Variants in ATP6V1A observed in about 807,000 individuals in gnomAD.
ATP6V1A encodes ATPase H+ transporting V1 subunit A, also known as V-type proton ATPase catalytic subunit A.
Under a neutral mutation model 70.1 loss-of-function variants are expected in ATP6V1A, and 18 were observed. The observed-to-expected ratio is 0.26, with a 90% CI of 0.18 to 0.38. The LOEUF (loss-of-function observed/expected upper bound fraction) is 0.38, where lower values mean the gene tolerates loss of function less well. ATP6V1A is among the 10% of genes least tolerant of loss of function. The pLI is 1.00. For missense variants in ATP6V1A, 424 were observed against 772.4 expected (o/e 0.55, Z 5.35); for synonymous variants, 232 against 253.8 (o/e 0.91, Z 0.82).
chr3:113,756,580 T>C (rs187293876), intron 1 of ATP6V1A, among the ~76,000 whole-genome samples: 26 of 152,348 alleles, frequency 1.7e-4, no homozygotes, highest in Admixed American at 1.4e-3. Context: ...CTTAAGTTAC[T>C]ATCATATGGA....
At chr3:113,749,053 C>T (rs1176901203) in intron 1 of ATP6V1A, among the ~76,000 whole-genome samples, 2 of 152,040 alleles carry the variant, frequency 1.3e-5, no homozygotes, top group African/African-American at 4.8e-5. Flanking sequence ...AAGAGAAAAC[C>T]AGCTAGAAGC....
chr3:113,785,056 C>T (rs1369775254), intron 5 of ATP6V1A, among the ~76,000 whole-genome samples: 2 of 152,096 alleles, frequency 1.3e-5, no homozygotes, highest in African/African-American at 2.4e-5. Context: ...AGTTTTCTAC[C>T]ATATTAACTG....
At chr3:113,801,352 A>G (rs1709210550) in intron 12 of ATP6V1A, among the ~76,000 whole-genome samples, 1 of 152,154 alleles carries the variant, frequency 6.6e-6, no homozygotes, top group African/African-American at 2.4e-5. Context: ...CTGATAATAG[A>G]AAAGGAATCT....
At chr3:113,749,969 T>C (rs1262556338) in intron 1 of ATP6V1A, among the ~76,000 whole-genome samples, 2 of 152,166 alleles carry the variant, frequency 1.3e-5, no homozygotes, top group African/African-American at 4.8e-5. Flanking sequence ...CTAATAAGTA[T>C]GGTTATCATC....
chr3:113,759,621 T>C (rs1330989701), intron 1 of ATP6V1A, among the ~76,000 whole-genome samples: 1 of 152,008 alleles, frequency 6.6e-6, no homozygotes, highest in East Asian at 1.9e-4. Context: ...TATTTAAGAA[T>C]ATTTAATCAT....
chr3:113,749,244 C>T (rs1393057720), intron 1 of ATP6V1A, among the ~76,000 whole-genome samples: 1 of 143,882 alleles, frequency 7.0e-6, no homozygotes, highest in East Asian at 2.1e-4. Context: ...TGAAAAAAAG[C>T]TTTGACATTA....
At chr3:113,768,835 A>T (rs966659807) in intron 1 of ATP6V1A, among the ~76,000 whole-genome samples, 10 of 151,996 alleles carry the variant, frequency 6.6e-5, no homozygotes, top group African/African-American at 2.4e-4. Context: ...ACCTCATGTG[A>T]TCCACCCACC....
intron 1 of ATP6V1A, among the ~76,000 whole-genome samples, chr3:113,773,730 T>G (rs1423807834): frequency 6.6e-6 from 1 of 152,198 alleles, no homozygotes; most frequent in East Asian, 1.9e-4. Context: ...TACTAGATAC[T>G]CTGATGCCTC....
chr3:113,759,782 C>T (rs532420996), intron 1 of ATP6V1A, among the ~76,000 whole-genome samples: 27 of 152,232 alleles, frequency 1.8e-4, no homozygotes, highest in African/African-American at 4.8e-4. Flanking sequence ...TTTCACTCAA[C>T]GATTAGAGTT....
chr3:113,756,879 A>G (rs1708651583), intron 1 of ATP6V1A, among the ~76,000 whole-genome samples: 1 of 152,238 alleles, frequency 6.6e-6, no homozygotes, highest in South Asian at 2.1e-4. Flanking sequence ...CTAGCTAAAT[A>G]GAGGAATAGC....
intron 1 of ATP6V1A, among the ~76,000 whole-genome samples, chr3:113,755,431 CAAAAAAA>C (rs1184456240): frequency 0.021 from 814 of 38,090 alleles, 5 homozygotes; most frequent in Non-Finnish European, 0.036. Flanking sequence ...CATGTCTGTA[CAAAAAAA>C]AAAAAAAAAA....
chr3:113,753,407 G>A (rs568835462), intron 1 of ATP6V1A, among the ~76,000 whole-genome samples: 1 of 152,274 alleles, frequency 6.6e-6, no homozygotes, highest in East Asian at 1.9e-4. Context: ...GAGAATACAT[G>A]TATTTTCCAC....
At chr3:113,764,011 G>A (rs760699802) in intron 1 of ATP6V1A, among the ~76,000 whole-genome samples, 7 of 152,056 alleles carry the variant, frequency 4.6e-5, no homozygotes, top group African/African-American at 1.4e-4. Context: ...AGGCCGAAGC[G>A]GGAGGATCAC....
chr3:113,760,198 CTTTTGACTA>C (rs954662384), intron 1 of ATP6V1A, among the ~76,000 whole-genome samples: 5 of 152,194 alleles, frequency 3.3e-5, no homozygotes, highest in African/African-American at 9.7e-5. Flanking sequence ...AATGTCTGGA[CTTTTGACTA>C]TAGTCATTAT....
At chr3:113,782,361 C>A (rs1006752277) in intron 3 of ATP6V1A, among the ~76,000 whole-genome samples, 2 of 151,698 alleles carry the variant, frequency 1.3e-5, no homozygotes, top group Non-Finnish European at 2.9e-5. Flanking sequence ...TAAACAGTGA[C>A]AACCCTCCTT....
Position 113,784,698 on chromosome 3 carries a change from T to A in ATP6V1A, c.429T>A (p.Val143=). 6.2e-7 allele frequency: 1 copy of A among 1,614,028 alleles called. No individual in the cohort carries two copies. The change falls in exon 5 of 15, where the codon GTT becomes GTA. Residue 143 remains valine (V), a splice_region_variant and synonymous_variant. Transcript: ENST00000273398. ...ACAGCAAATACATTTATCTCTAGGT[T>A]GGTAGTCATATCACTGGCGGAGACA... ...WDFTPCKNLR[V]GSHITGGDIY... is the part of the protein sequence containing the mutation.
chr3:113,781,366 A>G (rs1708976037), intron 3 of ATP6V1A, among the ~76,000 whole-genome samples, 188 bp downstream of exon 3: 1 of 152,100 alleles, frequency 6.6e-6, no homozygotes, highest in South Asian at 2.1e-4. Flanking sequence ...AAAATACAAA[A>G]ATCAGCTGGG....
intron 1 of ATP6V1A, among the ~76,000 whole-genome samples, chr3:113,754,186 T>G (rs1020806030): frequency 1.3e-5 from 2 of 152,178 alleles, no homozygotes; most frequent in Non-Finnish European, 2.9e-5. Context: ...ACACTTTACA[T>G]TATATGTTTT....
At chr3:113,780,847 A>T in intron 2 of ATP6V1A, 1 of 1,345,206 alleles carries the variant, frequency 7.4e-7, no homozygotes, top group African/African-American at 1.5e-5. Flanking sequence ...GTAAATAAAT[A>T]ATCTTTGGCT....
Sources: allele counts gnomAD v4.1 joint callset (sites outside exome capture counted in the v4.1 genomes callset), GRCh38; gene constraint gnomAD v4.1.1; transcripts MANE v1.5; gene names NCBI Gene and HGNC (gene_info 2026-07-23, HGNC 2026-07-21).